The following NELL1 variants were observed in gnomAD, a reference collection of about 807,000 sequenced individuals.
The protein encoded by NELL1 is neural EGFL like 1.
In NELL1, 76 loss-of-function variants were observed where a neutral mutation model predicts 107.4. That is an observed-to-expected ratio of 0.71 (90% CI 0.59 to 0.86). The LOEUF (loss-of-function observed/expected upper bound fraction) is 0.86, where lower values mean the gene tolerates loss of function less well. Ranked by LOEUF, NELL1 falls within the 40% of genes least tolerant of loss-of-function variation. The pLI is 0.00. For missense variants in NELL1, 1,024 were observed against 1,005.5 expected (o/e 1.02, Z -0.25); for synonymous variants, 353 against 341.2 (o/e 1.03, Z -0.38).
At chr11:20,983,709 C>T (rs1392290658) in intron 12 of NELL1, among the ~76,000 whole-genome samples, 4 of 152,154 alleles carry the variant, frequency 2.6e-5, no homozygotes, top group Non-Finnish European at 5.9e-5. Flanking sequence ...CTCATCTCAA[C>T]GTTGGTGGTG....
chr11:21,358,696 C>T (rs967873247), intron 14 of NELL1, among the ~76,000 whole-genome samples: 3 of 148,904 alleles, frequency 2.0e-5, no homozygotes, highest in Non-Finnish European at 3.0e-5. Context: ...GGATTACAGG[C>T]GTGACCCACC....
intron 2 of NELL1, among the ~76,000 whole-genome samples, chr11:20,716,216 C>A (rs1001257973): frequency 3.9e-5 from 6 of 152,224 alleles, no homozygotes; most frequent in African/African-American, 1.4e-4. Flanking sequence ...CATGGGGCCA[C>A]GTGCCTGGGG....
At chr11:21,411,304 G>C (rs937452146) in intron 15 of NELL1, among the ~76,000 whole-genome samples, 9 of 152,038 alleles carry the variant, frequency 5.9e-5, no homozygotes, top group Admixed American at 2.6e-4. Flanking sequence ...TTTCACTGGG[G>C]CTCTGCAAAC....
intron 15 of NELL1, among the ~76,000 whole-genome samples, chr11:21,460,589 G>A (rs942438193): frequency 2.6e-5 from 4 of 152,098 alleles, no homozygotes; most frequent in Admixed American, 6.6e-5. Flanking sequence ...CTCTTAAATA[G>A]TACTCCTTAT....
At chr11:21,465,423 C>T (rs567890280) in intron 15 of NELL1, among the ~76,000 whole-genome samples, 1 of 152,200 alleles carries the variant, frequency 6.6e-6, no homozygotes, top group East Asian at 1.9e-4. Flanking sequence ...TAATAATTCA[C>T]TGGGAGCTTG....
intron 3 of NELL1, among the ~76,000 whole-genome samples, chr11:20,833,930 G>T (rs766047798): frequency 7.2e-5 from 11 of 152,206 alleles, no homozygotes; most frequent in Non-Finnish European, 1.0e-4. Flanking sequence ...GCTAAAGCAT[G>T]TAGTTTCCTG....
intron 15 of NELL1, among the ~76,000 whole-genome samples, chr11:21,494,644 T>A (rs1854928532): frequency 6.6e-6 from 1 of 152,026 alleles, no homozygotes; most frequent in African/African-American, 2.4e-5. Flanking sequence ...TCAAAAGATA[T>A]TCATATATAT....
intron 13 of NELL1, among the ~76,000 whole-genome samples, chr11:21,192,365 G>A (rs1235638528): frequency 1.3e-5 from 2 of 151,734 alleles, no homozygotes; most frequent in Admixed American, 6.6e-5. Flanking sequence ...TAATGATTAA[G>A]CATTTCAAAT....
Position 21,150,920 on chromosome 11 carries a change from G to A in NELL1, c.1426+37206G>A, listed in dbSNP as rs1856100642. ...TATAATCATGGTGGAAGGGCAAAGG[G>A]GAAATAAGCACCTTCTTCACATGGT... On this transcript the variant is annotated intron_variant, in intron 13 of 19. Transcript: ENST00000357134. Among the ~76,000 whole-genome samples the A allele has an allele frequency of 2.6e-5, 4 of 152,196 alleles. No individual in the cohort carries two copies. The South Asian group carries it at 8.3e-4, about 32-fold the overall frequency.
At chr11:20,878,358 C>CAA (rs58962461) in intron 4 of NELL1, among the ~76,000 whole-genome samples, 10 of 95,758 alleles carry the variant, frequency 1.0e-4, no homozygotes, top group Admixed American at 2.5e-4. Context: ...GACCCCGTCT[C>CAA]AAAAAAAAAA....
chr11:21,569,166 G>A (rs904159581), intron 17 of NELL1, among the ~76,000 whole-genome samples: 2 of 151,622 alleles, frequency 1.3e-5, no homozygotes, highest in Non-Finnish European at 2.9e-5. Context: ...TTTTGTATGT[G>A]TAGTATGTCA....
At chr11:20,735,213 G>C (rs1855733591) in intron 2 of NELL1, among the ~76,000 whole-genome samples, 1 of 152,060 alleles carries the variant, frequency 6.6e-6, no homozygotes. Flanking sequence ...CGGAGATGAG[G>C]ACTAAAAATT....
chr11:21,314,430 C>A (rs762740921), intron 14 of NELL1, among the ~76,000 whole-genome samples: 1 of 152,032 alleles, frequency 6.6e-6, no homozygotes, highest in Non-Finnish European at 1.5e-5. Context: ...AGTAATGATG[C>A]CATAGAACTG....
chr11:21,534,457 T>C lies in NELL1; in HGVS notation c.1729T>C (p.Cys577Arg), dbSNP rs1320288642. 1 of 1,613,760 alleles carries C rather than the reference T, an allele frequency of 6.2e-7. No individual in the cohort carries two copies. The highest frequency in any genetic ancestry group is 2.2e-5 in the East Asian group (1 of 44,850). Residue 577 changes from cysteine to arginine, a missense_variant, in exon 16 of 20, where the codon TGC becomes CGC. By Grantham distance (180) the Cys-to-Arg change is radical (BLOSUM62 -3). Transcript: ENST00000357134. ...CCTGCCAGGGTGGTACCACTGTGAGTGCAGAAGCGGTTTCCATGACGATGG... is the reference window on the plus strand; with the variant it reads ...CCTGCCAGGGTGGTACCACTGTGAGCGCAGAAGCGGTTTCCATGACGATGG... ...VNLPGWYHCECRSGFHDDGTY... is the reference protein window; with the variant it reads ...VNLPGWYHCERRSGFHDDGTY...
At chr11:21,223,067 T>C (rs1371382632) in intron 13 of NELL1, among the ~76,000 whole-genome samples, 1 of 152,128 alleles carries the variant, frequency 6.6e-6, no homozygotes, top group Non-Finnish European at 1.5e-5. Flanking sequence ...TGGCCTAAAG[T>C]CCAGTTCAAA....
chr11:21,282,915 G>A (rs1329400168), intron 14 of NELL1, among the ~76,000 whole-genome samples: 1 of 152,142 alleles, frequency 6.6e-6, no homozygotes, highest in Non-Finnish European at 1.5e-5. Flanking sequence ...AGTGAAATAA[G>A]CCAGGCACAG....
intron 13 of NELL1, among the ~76,000 whole-genome samples, chr11:21,157,965 C>T (rs2133795586): frequency 6.6e-6 from 1 of 152,182 alleles, no homozygotes; most frequent in Admixed American, 6.5e-5. Context: ...AGGAAATTAG[C>T]ATTTGAGTCA....
At chr11:21,185,132 A>C (rs1274653096) in intron 13 of NELL1, among the ~76,000 whole-genome samples, 2 of 151,544 alleles carry the variant, frequency 1.3e-5, no homozygotes, top group Non-Finnish European at 2.9e-5. Flanking sequence ...CTATCCATCC[A>C]TCCTTAGGGC....
intron 12 of NELL1, among the ~76,000 whole-genome samples, chr11:21,064,094 G>A (rs978468719): frequency 1.3e-5 from 2 of 152,126 alleles, no homozygotes; most frequent in African/African-American, 4.8e-5. Context: ...CTGAAGGCAG[G>A]TATGTTTCTG....
Sources: allele counts gnomAD v4.1 joint callset (sites outside exome capture counted in the v4.1 genomes callset), GRCh38; gene constraint gnomAD v4.1.1; transcripts MANE v1.5; gene names NCBI Gene and HGNC (gene_info 2026-07-23, HGNC 2026-07-21).